Variants in CATSPERD observed in about 807,000 individuals in gnomAD.
The protein encoded by CATSPERD is cation channel sperm-associated auxiliary subunit delta.
Under a neutral mutation model 98.1 loss-of-function variants are expected in CATSPERD, and 86 were observed. That is an observed-to-expected ratio of 0.88 (90% CI 0.74 to 1.05). The LOEUF is 1.05. CATSPERD is among the 50% of genes least tolerant of loss of function. The pLI, the probability that CATSPERD is intolerant of heterozygous loss-of-function variation, is 0.00. For missense variants in CATSPERD, 995 were observed against 1,005.7 expected, an observed-to-expected ratio of 0.99 and a Z score of 0.14; for synonymous variants, 394 against 390.2, an observed-to-expected ratio of 1.01 and a Z score of -0.12.
At chr19:5,745,337 G>A (rs549343972) in intron 8 of CATSPERD, among the ~76,000 whole-genome samples, 25 of 152,188 alleles carry the variant, frequency 1.6e-4, no homozygotes, top group African/African-American at 5.3e-4. Context: ...TTCAAAATGA[G>A]GCCGGGTGCA....
At chr19:5,777,977 G>A (rs1011876359) in intron 21 of CATSPERD, among the ~76,000 whole-genome samples, 4 of 152,066 alleles carry the variant, frequency 2.6e-5, no homozygotes, top group African/African-American at 7.2e-5. Flanking sequence ...GGGAGGCAGA[G>A]GCGGGCGGAT....
intron 13 of CATSPERD, among the ~76,000 whole-genome samples, chr19:5,755,458 A>G (rs7245944): frequency 0.81 from 123,171 of 152,066 alleles, 50,106 homozygotes; most frequent in Non-Finnish European, 0.85. Flanking sequence ...GTTTTTCACT[A>G]TTAGTATAGT....
chr19:5,777,151 G>T (rs2056753584), intron 21 of CATSPERD, among the ~76,000 whole-genome samples: 1 of 152,044 alleles, frequency 6.6e-6, no homozygotes, highest in Admixed American at 6.6e-5. Flanking sequence ...CCTACTGGAA[G>T]TCATTGTCAC....
In CATSPERD at chr19:5,733,914, T is replaced by C; in HGVS notation, c.335T>C (p.Val112Ala). The change falls in exon 5 of 22, where the codon GTG becomes GCG. Residue 112 changes from valine to alanine, a missense_variant. This residue lies in a region of CATSPERD where 228 missense variants were observed against 209.6 expected (regional missense o/e 1.09). Coordinates refer to ENST00000381624, the MANE Select transcript of CATSPERD (RefSeq NM_152784.4). ...HFAGSLLLLV[V>A]DQKVYIYDYE... ...GCTGGTTCGTTATTGCTGTTAGTAGTGGATCAAAAAGTCTATATTTATGAT... is the reference window on the plus strand; with the variant it reads ...GCTGGTTCGTTATTGCTGTTAGTAGCGGATCAAAAAGTCTATATTTATGAT... 3 of 1,612,772 alleles carry C rather than the reference T, an allele frequency of 1.9e-6. No individual in the cohort carries two copies. The highest frequency in any genetic ancestry group is 1.7e-6 in the Non-Finnish European group (2 of 1,179,630).
chr19:5,776,312 A>G lies in CATSPERD; in HGVS notation c.2093A>G (p.Tyr698Cys), dbSNP rs756814020. 6.2e-6 allele frequency: 10 copies of G among 1,614,066 alleles called. No individual in the cohort carries two copies. Among genetic ancestry groups the G allele is most frequent in the Non-Finnish European group, 8.5e-6 (10 of 1,179,946 alleles). Residue 698 changes from tyrosine (Y) to cysteine (C), a missense_variant, in exon 21 of 22, where the codon TAC becomes TGC. Physicochemically the swap from Tyr to Cys is radical, Grantham distance 194. This residue lies in a region of CATSPERD where 762 missense variants were observed against 773.7 expected (regional missense o/e 0.98). Coordinates refer to ENST00000381624, the MANE Select transcript of CATSPERD (RefSeq NM_152784.4). ...TACATTTCGATCGTGGATCCGTACT[A>G]CAGGTGAGTGGGCCCATCTGCCCCT... ...VFYISIVDPY[Y>C]SYCQLETIFS...
At chr19:5,765,089 C>G (rs1015903167) in intron 16 of CATSPERD, among the ~76,000 whole-genome samples, 2 of 152,004 alleles carry the variant, frequency 1.3e-5, no homozygotes, top group African/African-American at 2.4e-5. Context: ...TTTTATTTTT[C>G]ATAGAGATGA....
Position 5,724,857 on chromosome 19 carries a change from CA to C in CATSPERD, c.123del (p.Asp43ThrfsTer12). ...GKVFNLIQDV[Q>X]GDRLYFHPTT... ...AGTGTTTAATCTGATACAGGACGTT[CA>C]AGGGGTATGTGGCTCCATGCTTAAA... On this transcript the variant is annotated frameshift_variant, in exon 2 of 22. Transcript: ENST00000381624. LOFTEE classifies it high-confidence loss of function. 1 of 1,613,906 alleles carries C rather than the reference CA, an allele frequency of 6.2e-7. No homozygotes were observed. Among genetic ancestry groups the C allele is most frequent in the East Asian group, 2.2e-5 (1 of 44,872 alleles).
intron 6 of CATSPERD, among the ~76,000 whole-genome samples, chr19:5,737,603 G>T (rs1267802317): frequency 6.8e-6 from 1 of 146,398 alleles, no homozygotes; most frequent in Non-Finnish European, 1.5e-5. Flanking sequence ...TAGTAATCTA[G>T]CATTTTGGGA....
At chr19:5,767,873 T>G (rs1412304532) in intron 17 of CATSPERD, among the ~76,000 whole-genome samples, 2 of 152,090 alleles carry the variant, frequency 1.3e-5, no homozygotes, top group Non-Finnish European at 2.9e-5. Context: ...CTCAGCTCAT[T>G]GCAACCTCCG....
At chr19:5,750,373 T>C (rs372773398) in intron 11 of CATSPERD, among the ~76,000 whole-genome samples, 159 of 130,480 alleles carry the variant, frequency 1.2e-3, no homozygotes, top group Admixed American at 2.3e-3. Flanking sequence ...ATGGCGTGAA[T>C]CCAGGAGGCG....
intron 20 of CATSPERD, chr19:5,775,384 T>C: frequency 2.3e-6 from 1 of 430,114 alleles, no homozygotes; most frequent in South Asian, 1.7e-5. Context: ...ACGCCTGTAA[T>C]CCCAGCACTT....
At chr19:5,721,986 A>G (rs1417966399) in intron 1 of CATSPERD, among the ~76,000 whole-genome samples, 2 of 127,876 alleles carry the variant, frequency 1.6e-5, no homozygotes, top group African/African-American at 6.6e-5. Flanking sequence ...GTCTCAAAGG[A>G]AAAAAAAAAA....
chr19:5,777,446 T>A (rs979647693), intron 21 of CATSPERD, among the ~76,000 whole-genome samples: 2 of 152,188 alleles, frequency 1.3e-5, no homozygotes, highest in African/African-American at 4.8e-5. Context: ...GCCTCCACTG[T>A]CACCCACCAC....
intron 13 of CATSPERD, 102 bp from the exon 14 acceptor site, chr19:5,757,741 C>G (rs187064172): frequency 4.9e-6 from 4 of 821,512 alleles, no homozygotes; most frequent in Non-Finnish European, 7.7e-6. Flanking sequence ...ACACCCAGCC[C>G]TGATTTTTCA....
At chr19:5,725,635 C>T (rs527306601) in intron 2 of CATSPERD, among the ~76,000 whole-genome samples, 154 of 152,066 alleles carry the variant, frequency 1.0e-3, no homozygotes, top group African/African-American at 3.7e-3. Flanking sequence ...GGTGAGGTGG[C>T]TTATGCCTGT....
At chr19:5,768,662 CTGGCCCTG>C (rs1460798756) in intron 18 of CATSPERD, among the ~76,000 whole-genome samples, 6 of 150,816 alleles carry the variant, frequency 4.0e-5, no homozygotes, top group Non-Finnish European at 8.9e-5. Flanking sequence ...GAGATAGGGT[CTGGCCCTG>C]TGGCCCAGGC....
chr19:5,749,005 C>T (rs2056152263), intron 10 of CATSPERD, 96 bp from the exon 11 acceptor site: 2 of 961,378 alleles, frequency 2.1e-6, no homozygotes, highest in Non-Finnish European at 1.6e-6. Context: ...GTTGGAATTA[C>T]AGGCGTGAGC....
chr19:5,723,232 A>C (rs983864924), intron 1 of CATSPERD, among the ~76,000 whole-genome samples: 4 of 151,644 alleles, frequency 2.6e-5, no homozygotes, highest in African/African-American at 9.7e-5. Flanking sequence ...AATTTTCAGA[A>C]ATCATTTCTA....
In CATSPERD at chr19:5,744,523, A is replaced by G. The variant is rs1424664653; in HGVS notation, c.657+13A>G. The G allele has an allele frequency of 2.5e-6, 4 of 1,603,648 alleles. No individual in the cohort carries two copies. Among genetic ancestry groups the G allele is most frequent in the Non-Finnish European group, 3.4e-6 (4 of 1,171,774 alleles). ...GAATCAAGGGAAGGTAAGTAACTGCAGAGGGAAGAACTACTCAGAGGACCT... is the reference window on the plus strand; with the variant it reads ...GAATCAAGGGAAGGTAAGTAACTGCGGAGGGAAGAACTACTCAGAGGACCT... On this transcript the variant is annotated intron_variant, in intron 8 of 21. Coordinates refer to ENST00000381624, the MANE Select transcript of CATSPERD (RefSeq NM_152784.4).
Sources: gnomAD v4.1 joint callset for allele counts (sites outside exome capture counted in the v4.1 genomes callset) on GRCh38, gnomAD v4.1.1 for gene constraint, gnomAD v4.1.1 regional missense constraint, MANE v1.5 for transcripts, NCBI Gene and HGNC (gene_info 2026-07-23, HGNC 2026-07-21) for gene names.